Variants in FNTA observed in about 807,000 individuals in gnomAD.
FNTA encodes protein farnesyltransferase/geranylgeranyltransferase type-1 subunit alpha.
FNTA carries 27 observed loss-of-function variants against 55.2 expected under a neutral mutation model. The observed-to-expected ratio is 0.49, with a 90% confidence interval of 0.36 to 0.67. The LOEUF is 0.67. Among genes scored for constraint, FNTA ranks in the 30% least tolerant of loss-of-function variants. The pLI, the probability that FNTA is intolerant of heterozygous loss-of-function variation, is 0.00. For missense variants in FNTA, 422 were observed against 464.7 expected (o/e 0.91, Z 0.85); for synonymous variants, 176 against 170.7 (o/e 1.03, Z -0.24).
intron 3 of FNTA, among the ~76,000 whole-genome samples, chr8:43,068,108 G>A (rs898053448): frequency 1.3e-5 from 2 of 152,100 alleles, no homozygotes; most frequent in African/African-American, 2.4e-5. Context: ...CACCATGTTA[G>A]CCAGGTCTCA....
At chr8:43,077,479 C>A in intron 6 of FNTA, 115 bp downstream of exon 6, 1 of 699,464 alleles carries the variant, frequency 1.4e-6, no homozygotes, top group Non-Finnish European at 2.4e-6. Context: ...TAAAAGAGGA[C>A]AGAGTACTGA....
intron 6 of FNTA, chr8:43,079,303 T>G (rs905095819): frequency 2.3e-5 from 4 of 173,164 alleles, no homozygotes; most frequent in Non-Finnish European, 3.6e-5. Flanking sequence ...CTTCAAAGCT[T>G]CACACAGCTG....
At chr8:43,063,484 T>C (rs1159575787) in intron 2 of FNTA, among the ~76,000 whole-genome samples, 1 of 152,094 alleles carries the variant, frequency 6.6e-6, no homozygotes, top group Non-Finnish European at 1.5e-5. Flanking sequence ...GTTGTAGAAG[T>C]ATTTGTACTA....
chr8:43,059,088 T>G lies in FNTA; in HGVS notation c.201-4T>G, dbSNP rs1364590523. 1 of 1,611,658 alleles carries G rather than the reference T, an allele frequency of 6.2e-7. No individual in the cohort carries two copies. Among genetic ancestry groups the G allele is most frequent in the Admixed American group, 1.7e-5 (1 of 59,696 alleles). On this transcript the variant is annotated splice_polypyrimidine_tract_variant and splice_region_variant and intron_variant, in intron 1 of 8. Transcript: ENST00000302279. Reference sequence around the variant, plus strand: ...ACCACTGGTTGGGGAATGTCTGTTTTCAGGGACAGAGCAGAATGGGCTGAT... The same window carrying G: ...ACCACTGGTTGGGGAATGTCTGTTTGCAGGGACAGAGCAGAATGGGCTGAT...
Position 43,064,173 on chromosome 8 carries a change from C to T in FNTA, c.359C>T (p.Thr120Ile). The T allele has an allele frequency of 3.7e-6, 6 of 1,613,886 alleles. No individual in the cohort carries two copies. The East Asian group carries it at 6.7e-5, about 18-fold the overall frequency. Residue 120 changes from threonine to isoleucine, a missense_variant, in exon 3 of 9, where the codon ACC becomes ATC. Thr to Ile is a moderately conservative substitution (Grantham distance 89, BLOSUM62 -1). Transcript: ENST00000302279. Reference sequence around the variant, plus strand: ...AGAAGTGAACGAGCTTTTAAGCTAACCCGGGATGCTATTGAGTTAAATGCA... The same window carrying T: ...AGAAGTGAACGAGCTTTTAAGCTAATCCGGGATGCTATTGAGTTAAATGCA... Reference protein sequence around the residue: ...DERSERAFKLTRDAIELNAAN... With the variant: ...DERSERAFKLIRDAIELNAAN...
At chr8:43,083,873 G>C (rs1181116874) in intron 7 of FNTA, among the ~76,000 whole-genome samples, 1 of 152,160 alleles carries the variant, frequency 6.6e-6, no homozygotes, top group Non-Finnish European at 1.5e-5. Flanking sequence ...AGGAGGTCGA[G>C]ACCAGCCTGG....
intron 3 of FNTA, among the ~76,000 whole-genome samples, chr8:43,068,331 A>G (rs1810707427): frequency 1.3e-5 from 2 of 152,170 alleles, no homozygotes; most frequent in African/African-American, 4.8e-5. Context: ...CCCTTACTAT[A>G]TATCGAGTTG....
At chr8:43,063,447 CAA>C (rs1002176826) in intron 2 of FNTA, among the ~76,000 whole-genome samples, 1 of 152,006 alleles carries the variant, frequency 6.6e-6, no homozygotes, top group African/African-American at 2.4e-5. Flanking sequence ...ATTACTGGGT[CAA>C]AGAGTATGTA....
intron 2 of FNTA, among the ~76,000 whole-genome samples, chr8:43,063,711 T>C (rs1810588607): frequency 6.6e-6 from 1 of 152,222 alleles, no homozygotes; most frequent in Admixed American, 6.5e-5. Context: ...AACCTTTTTG[T>C]ACTGTTTGAG....
In FNTA at chr8:43,064,909, T is replaced by C. The variant is rs1053773247; in HGVS notation, c.401+694T>C. Among the ~76,000 whole-genome samples the C allele has an allele frequency of 2.6e-5, 4 of 151,868 alleles. No homozygotes were observed. The East Asian group carries it at 7.8e-4, about 29-fold the overall frequency. ...TGGAGTGCAGTGGCACGATCTTGGC[T>C]CACTGCAACCTCTGCCTCCAGGGTT... On this transcript the variant is annotated intron_variant, in intron 3 of 8. Transcript: ENST00000302279.
chr8:43,077,377 C>G lies in FNTA; in HGVS notation c.782+13C>G. 6.3e-7 allele frequency: 1 copy of G among 1,595,980 alleles called. No homozygotes were observed. The highest frequency in any genetic ancestry group is 1.1e-5 in the South Asian group (1 of 88,566). The stretch of plus-strand genomic sequence containing the variant: ...AGAGAGAAGTCCAGTTAGTAATCTC[C>G]TTCACTTGCTCATTCGTTACAAACA... On this transcript the variant is annotated intron_variant, in intron 6 of 8. Coordinates refer to ENST00000302279, the MANE Select transcript of FNTA (RefSeq NM_002027.3).
rs945771968 is a variant in FNTA, at chr8:43,056,334, G to A, written c.-13G>A. Reference sequence around the variant, plus strand: ...GGGCCTCCGCCACCACCTCAGCTGCGGACCGAGGCGAGATGGCGGCCACCG... The same window carrying A: ...GGGCCTCCGCCACCACCTCAGCTGCAGACCGAGGCGAGATGGCGGCCACCG... On this transcript the variant is annotated 5_prime_UTR_variant, in exon 1 of 9. Transcript: ENST00000302279. 5 of 1,405,794 alleles carry A rather than the reference G, an allele frequency of 3.6e-6. No individual in the cohort carries two copies. Among genetic ancestry groups the A allele is most frequent in the Non-Finnish European group, 4.6e-6 (5 of 1,088,940 alleles). The allele number at this position is 1,405,794 out of a possible 1,614,324, so 87.1% of individuals were successfully genotyped here.
chr8:43,064,316 T>A (rs963288104), intron 3 of FNTA, 101 bp downstream of exon 3: 4 of 614,366 alleles, frequency 6.5e-6, no homozygotes, highest in Non-Finnish European at 1.1e-5. Context: ...CTGTACTTTA[T>A]TTTTTTTGGA....
chr8:43,056,484 C>G lies in FNTA; in HGVS notation c.138C>G (p.Ala46=). Residue 46 remains alanine (A), a synonymous_variant, in exon 1 of 9, where the codon GCC becomes GCG. Coordinates refer to ENST00000302279, the MANE Select transcript of FNTA (RefSeq NM_002027.3). ...AGATGGCGGCCGAGGCTGGGGAAGC[C>G]GTGGCGTCCCCCATGGACGACGGGT... ...KEEMAAEAGE[A]VASPMDDGFV... is the part of the protein sequence containing the mutation. 6.4e-7 allele frequency: 1 copy of G among 1,572,532 alleles called. No homozygotes were observed. Among genetic ancestry groups the G allele is most frequent in the Non-Finnish European group, 8.6e-7 (1 of 1,163,062 alleles).
At chr8:43,084,545 T>C (rs1811088495) in intron 7 of FNTA, 165 bp from the exon 8 acceptor site, 1 of 585,912 alleles carries the variant, frequency 1.7e-6, no homozygotes, top group African/African-American at 1.9e-5. Flanking sequence ...TGATCTATGA[T>C]AAGACTCATG....
At position 43,085,077 on chromosome 8, in the gene FNTA, T is replaced by A. The variant is rs150025446; in HGVS notation, c.1018-83T>A. The A allele has an allele frequency of 7.2e-4, 908 of 1,254,990 alleles. 9 individuals are homozygous for A. The South Asian group carries it at 9.3e-3, about 13-fold the overall frequency. The allele number at this position is 1,254,990 out of a possible 1,614,324, so 77.7% of individuals were successfully genotyped here. On this transcript the variant is annotated intron_variant, in intron 8 of 8. Coordinates refer to ENST00000302279, the MANE Select transcript of FNTA (RefSeq NM_002027.3). ...TAGTGTGTCTTCATTTGAATGTGAT[T>A]TGAGTTAAATTGTATTGGCTCAAAG... is the stretch of plus-strand genomic sequence containing the variant.
chr8:43,056,355 C>A lies in FNTA; in HGVS notation c.9C>A (p.Ala3=). ...CTGCGGACCGAGGCGAGATGGCGGC[C>A]ACCGAGGGGGTCGGGGAGGCTGCGC... MA[A]TEGVGEAAQG... The change falls in exon 1 of 9, where the codon GCC becomes GCA. Residue 3 remains alanine (A), a synonymous_variant. Transcript: ENST00000302279. 2 of 1,422,338 alleles carry A rather than the reference C, an allele frequency of 1.4e-6. No individual in the cohort carries two copies. Among genetic ancestry groups the A allele is most frequent in the South Asian group, 1.5e-5 (1 of 67,244 alleles). The allele number at this position is 1,422,338 out of a possible 1,614,324, so 88.1% of individuals were successfully genotyped here.
intron 3 of FNTA, 136 bp from the exon 4 acceptor site, chr8:43,069,419 C>T (rs1170263972): frequency 2.3e-5 from 14 of 616,268 alleles, no homozygotes; most frequent in Non-Finnish European, 3.8e-5. Context: ...CGTGCTTGGC[C>T]TATAATTGTT....
intron 5 of FNTA, among the ~76,000 whole-genome samples, chr8:43,073,961 T>G (rs1810852657): frequency 6.6e-6 from 1 of 152,206 alleles, no homozygotes; most frequent in Non-Finnish European, 1.5e-5. Flanking sequence ...AGCATACTCT[T>G]TGATGACCTA....
Sources: allele counts gnomAD v4.1 joint callset (sites outside exome capture counted in the v4.1 genomes callset), GRCh38; gene constraint gnomAD v4.1.1; transcripts MANE v1.5; gene names NCBI Gene and HGNC (gene_info 2026-07-23, HGNC 2026-07-21).